CLCN3: variants seen among roughly 807,000 people sequenced by gnomAD.
CLCN3 encodes the protein H(+)/Cl(-) exchange transporter 3.
CLCN3 carries 16 observed loss-of-function variants against 83.4 expected under a neutral mutation model. That is an observed-to-expected ratio of 0.19 (90% CI 0.13 to 0.29). CLCN3 has a LOEUF of 0.29. Ranked by LOEUF, CLCN3 falls within the 10% of genes least tolerant of loss-of-function variation. The pLI is 1.00. For synonymous variants in CLCN3, 322 were observed against 346.2 expected, an observed-to-expected ratio of 0.93 and a Z score of 0.78; for missense variants, 544 against 1,006.0, an observed-to-expected ratio of 0.54 and a Z score of 6.21.
intron 1 of CLCN3, among the ~76,000 whole-genome samples, chr4:169,630,010 A>G (rs1352056292): frequency 6.6e-6 from 1 of 152,232 alleles, no homozygotes; most frequent in Non-Finnish European, 1.5e-5. Flanking sequence ...TATTAAATGA[A>G]TGAATTTGTA....
chr4:169,715,104 TA>T (rs1456694284), intron 12 of CLCN3, among the ~76,000 whole-genome samples: 3 of 152,270 alleles, frequency 2.0e-5, no homozygotes, highest in Middle Eastern at 3.4e-3. Flanking sequence ...TACTGACAAA[TA>T]TAAATGTTAT....
intron 7 of CLCN3, among the ~76,000 whole-genome samples, chr4:169,694,230 C>T (rs1732481761): frequency 6.6e-6 from 1 of 152,146 alleles, no homozygotes; most frequent in Admixed American, 6.5e-5. Flanking sequence ...AAAGTATTTA[C>T]TGGTGCCAGG....
At chr4:169,677,795 A>G (rs1181847195) in intron 2 of CLCN3, among the ~76,000 whole-genome samples, 1 of 152,218 alleles carries the variant, frequency 6.6e-6, no homozygotes, top group Non-Finnish European at 1.5e-5. Flanking sequence ...CTTCATCTTT[A>G]CTAATCTGAT....
chr4:169,655,482 T>C (rs1430715283), intron 2 of CLCN3, among the ~76,000 whole-genome samples: 3 of 152,202 alleles, frequency 2.0e-5, no homozygotes, highest in Non-Finnish European at 4.4e-5. Flanking sequence ...GAAAAATTGA[T>C]CATCGTGTGA....
intron 2 of CLCN3, among the ~76,000 whole-genome samples, chr4:169,657,738 T>A (rs975454589): frequency 2.0e-5 from 3 of 152,160 alleles, no homozygotes; most frequent in Admixed American, 1.3e-4. Context: ...TTTGATGGCT[T>A]CATGTGTGCT....
At chr4:169,631,819 A>T (rs539566105) in intron 1 of CLCN3, among the ~76,000 whole-genome samples, 217 of 152,286 alleles carry the variant, frequency 1.4e-3, no homozygotes, top group African/African-American at 5.0e-3. Flanking sequence ...GAACTAGAAA[A>T]TCTAGAGGAA....
chr4:169,657,210 G>C (rs1003050336), intron 2 of CLCN3, among the ~76,000 whole-genome samples: 10 of 151,990 alleles, frequency 6.6e-5, no homozygotes, highest in Non-Finnish European at 1.3e-4. Flanking sequence ...TTTAAAATAT[G>C]AATAATTCCT....
At position 169,707,272 on chromosome 4, in the gene CLCN3, C is replaced by A; in HGVS notation, c.2149+6C>A. On this transcript the variant is annotated splice_donor_region_variant and intron_variant, in intron 11 of 12. Coordinates refer to ENST00000513761, the MANE Select transcript of CLCN3 (RefSeq NM_001829.4). ...AGACCTGACAATTGCAATAGGTACCCTTTCAAAAATATATATATGTATATA... is the reference window on the plus strand; with the variant it reads ...AGACCTGACAATTGCAATAGGTACCATTTCAAAAATATATATATGTATATA... The A allele has an allele frequency of 1.3e-6, 2 of 1,573,908 alleles. No homozygotes were observed. Among genetic ancestry groups the A allele is most frequent in the Non-Finnish European group, 1.7e-6 (2 of 1,162,102 alleles).
chr4:169,669,462 C>A (rs1731376659), intron 2 of CLCN3, among the ~76,000 whole-genome samples: 1 of 151,972 alleles, frequency 6.6e-6, no homozygotes, highest in South Asian at 2.1e-4. Flanking sequence ...GCTTTCCAGC[C>A]TAGGTGGCAG....
chr4:169,712,602 C>T (rs1418622033), intron 11 of CLCN3, among the ~76,000 whole-genome samples: 1 of 152,158 alleles, frequency 6.6e-6, no homozygotes, highest in African/African-American at 2.4e-5. Context: ...CCAGCTAATT[C>T]ATAGGGATGG....
intron 1 of CLCN3, among the ~76,000 whole-genome samples, chr4:169,624,702 T>C (rs1256132432): frequency 6.6e-6 from 1 of 152,210 alleles, no homozygotes; most frequent in African/African-American, 2.4e-5. Context: ...ATAAAAACTG[T>C]GTTCATATTT....
At chr4:169,640,275 A>G (rs944244626) in intron 2 of CLCN3, among the ~76,000 whole-genome samples, 5 of 152,214 alleles carry the variant, frequency 3.3e-5, no homozygotes, top group African/African-American at 1.2e-4. Flanking sequence ...AGTATTAATG[A>G]AAAGCTGTAG....
At chr4:169,708,014 C>T (rs1049670709) in intron 11 of CLCN3, among the ~76,000 whole-genome samples, 2 of 152,140 alleles carry the variant, frequency 1.3e-5, no homozygotes, top group African/African-American at 4.8e-5. Flanking sequence ...AATCTTATAT[C>T]TCTTCCTCCA....
chr4:169,657,438 C>G (rs1331413860), intron 2 of CLCN3, among the ~76,000 whole-genome samples: 1 of 151,960 alleles, frequency 6.6e-6, no homozygotes, highest in Non-Finnish European at 1.5e-5. Context: ...TTTCTCTGCT[C>G]CTGTATTTTC....
rs143098499 is a variant in CLCN3, at chr4:169,637,550, C to A, written c.160+1462C>A. On this transcript the variant is annotated intron_variant, in intron 2 of 12. Coordinates refer to ENST00000513761, the MANE Select transcript of CLCN3 (RefSeq NM_001829.4). Reference sequence around the variant, plus strand: ...TGCACCACTGCACTCCTGCTAGGCACCAGAGCAAAACCCCGTCTCAAAAAC... The same window carrying A: ...TGCACCACTGCACTCCTGCTAGGCAACAGAGCAAAACCCCGTCTCAAAAAC... Among the ~76,000 whole-genome samples, 1,262 of 151,860 alleles carry A rather than the reference C, an allele frequency of 8.3e-3. 9 individuals carry two copies. Among genetic ancestry groups the A allele is most frequent in the Middle Eastern group, 0.017 (5 of 292 alleles).
At chr4:169,635,871 G>A (rs937381688) in intron 1 of CLCN3, 42 bp from the exon 2 acceptor site, 9 of 1,436,830 alleles carry the variant, frequency 6.3e-6, no homozygotes, top group African/African-American at 5.8e-5. Flanking sequence ...GATTTTTATT[G>A]TATGTTTGAA....
chr4:169,674,791 C>T (rs1398172176), intron 2 of CLCN3, among the ~76,000 whole-genome samples: 2 of 152,086 alleles, frequency 1.3e-5, no homozygotes, highest in African/African-American at 2.4e-5. Context: ...TGCTCTGTCG[C>T]CCAGGCTGGA....
At chr4:169,685,834 T>C (rs1732132052) in intron 3 of CLCN3, among the ~76,000 whole-genome samples, 1 of 152,206 alleles carries the variant, frequency 6.6e-6, no homozygotes, top group South Asian at 2.1e-4. Context: ...TGGAGTTTAG[T>C]GATTATTTTT....
At chr4:169,682,177 AT>A (rs1731967148) in intron 3 of CLCN3, among the ~76,000 whole-genome samples, 1 of 152,204 alleles carries the variant, frequency 6.6e-6, no homozygotes. Flanking sequence ...GAAAATATTG[AT>A]TCACTGATTT....
Sources: allele counts gnomAD v4.1 joint callset (sites outside exome capture counted in the v4.1 genomes callset), GRCh38; gene constraint gnomAD v4.1.1; transcripts MANE v1.5; gene names NCBI Gene and HGNC (gene_info 2026-07-23, HGNC 2026-07-21).